NAA35: variants seen among roughly 807,000 people sequenced by gnomAD.
NAA35 encodes the protein MAK10 homolog, amino-acid N-acetyltransferase subunit.
Under a neutral mutation model 101.7 loss-of-function variants are expected in NAA35, and 18 were observed. The observed-to-expected ratio is 0.18, with a 90% CI of 0.12 to 0.26. The LOEUF (loss-of-function observed/expected upper bound fraction) is 0.26, where lower values mean the gene tolerates loss of function less well. Among genes scored for constraint, NAA35 ranks in the 10% least tolerant of loss-of-function variants. The probability of loss-of-function intolerance (pLI) is 1.00; values close to 1 mark genes in which losing one functional copy is unlikely to be tolerated. For synonymous variants in NAA35, 267 were observed against 273.1 expected (o/e 0.98, Z 0.22); for missense variants, 601 against 886.8 (o/e 0.68, Z 4.09).
chr9:85,999,107 T>C (rs923557760), intron 12 of NAA35, among the ~76,000 whole-genome samples: 1 of 152,220 alleles, frequency 6.6e-6, no homozygotes, highest in Non-Finnish European at 1.5e-5. Flanking sequence ...TTGCATTTGC[T>C]TTCTTATTAG....
chr9:85,952,233 C>CTT, intron 2 of NAA35, among the ~76,000 whole-genome samples: 1 of 122,034 alleles, frequency 8.2e-6, no homozygotes, highest in South Asian at 2.6e-4. Context: ...GATTGTTTTT[C>CTT]TTTTTTTTTT....
rs577848982 is a variant in NAA35 at position 86,012,770 on chromosome 9, G to A, written c.1291-276G>A. 4.6e-5 allele frequency among the ~76,000 whole-genome samples: 7 copies of A among 152,258 alleles called. No homozygotes were observed. The South Asian group carries it at 1.4e-3, about 32-fold the overall frequency. On this transcript the variant is annotated intron_variant, in intron 15 of 22. Coordinates refer to ENST00000361671, the MANE Select transcript of NAA35 (RefSeq NM_024635.4). Reference sequence around the variant, plus strand: ...CTCAAGCAGGAAAGAAATTGTCCTTGTGAAATTGCAAGAAGATATCTAAAG... The same window carrying A: ...CTCAAGCAGGAAAGAAATTGTCCTTATGAAATTGCAAGAAGATATCTAAAG...
chr9:86,019,235 G>T (rs1371456706), intron 21 of NAA35, among the ~76,000 whole-genome samples: 2 of 152,118 alleles, frequency 1.3e-5, no homozygotes, highest in African/African-American at 2.4e-5. Context: ...GAGGTGGGTG[G>T]ATCACCTTAG....
Position 85,996,312 on chromosome 9 carries a change from A to G in NAA35, c.878-87A>G, listed in dbSNP as rs139015946. On this transcript the variant is annotated intron_variant, in intron 11 of 22. Transcript: ENST00000361671. ...TAGAATTTGTTTGGAAAAGCTTTTT[A>G]AACTGGCATTTTTATATTTAATAAC... 1.6e-4 allele frequency: 146 copies of G among 885,920 alleles called. 2 individuals are homozygous for G. In the East Asian group the frequency reaches 3.6e-3, roughly 22 times the overall value. The allele number at this position is 885,920 out of a possible 1,614,324, so 54.9% of individuals were successfully genotyped here.
At chr9:85,950,578 A>C (rs190119643) in intron 2 of NAA35, among the ~76,000 whole-genome samples, 1 of 152,164 alleles carries the variant, frequency 6.6e-6, no homozygotes, top group African/African-American at 2.4e-5. Flanking sequence ...CGAGTCATCT[A>C]GTCTAACCTT....
At position 86,013,833 on chromosome 9, in the gene NAA35, C is replaced by A; in HGVS notation, c.1504C>A (p.Gln502Lys). 1.2e-6 allele frequency: 2 copies of A among 1,614,006 alleles called. No individual in the cohort carries two copies. Among genetic ancestry groups the A allele is most frequent in the Non-Finnish European group, 1.7e-6 (2 of 1,179,890 alleles). The part of the protein sequence containing the change: ...VLYHNLRIMI[Q>K]YLLSGFELEL... ...TTACCATAACCTTCGCATTATGATACAGTACCTTCTAAGTGGCTTTGAATT... is the reference window on the plus strand; with the variant it reads ...TTACCATAACCTTCGCATTATGATAAAGTACCTTCTAAGTGGCTTTGAATT... The change falls in exon 17 of 23, where the codon CAG becomes AAG. Residue 502 changes from glutamine to lysine, a missense_variant. By Grantham distance (53) the Gln-to-Lys change is moderately conservative (BLOSUM62 1). This residue lies in a region of NAA35 where 99 missense variants were observed against 206.7 expected (regional missense o/e 0.48). Coordinates refer to ENST00000361671, the MANE Select transcript of NAA35 (RefSeq NM_024635.4).
At position 85,967,144 on chromosome 9, in the gene NAA35, CAAT is replaced by C. The variant is rs374867820; in HGVS notation, c.516+4967_516+4969del. ...ACAGAGTGAGAGTCCATCTCAACAACAATAACAAAAAAGGAAGTAATTAGAAAT... is the reference window on the plus strand; with the variant it reads ...ACAGAGTGAGAGTCCATCTCAACAACAACAAAAAAGGAAGTAATTAGAAAT... On this transcript the variant is annotated intron_variant, in intron 6 of 22. Coordinates refer to ENST00000361671, the MANE Select transcript of NAA35 (RefSeq NM_024635.4). Among the ~76,000 whole-genome samples, 192 of 151,618 alleles carry C rather than the reference CAAT, an allele frequency of 1.3e-3. 4 individuals are homozygous for C. The South Asian group carries it at 0.034, about 27-fold the overall frequency.
At chr9:85,946,625 T>A (rs988592607) in intron 2 of NAA35, among the ~76,000 whole-genome samples, 3 of 152,184 alleles carry the variant, frequency 2.0e-5, no homozygotes, top group African/African-American at 7.2e-5. Context: ...TGGCTTTGAA[T>A]GTGGCCCAAC....
At chr9:86,000,213 T>C (rs185552746) in intron 12 of NAA35, among the ~76,000 whole-genome samples, 242 of 152,336 alleles carry the variant, frequency 1.6e-3, no homozygotes, top group Admixed American at 2.5e-3. Flanking sequence ...GATTTTTTTG[T>C]ATGTTGAAAC....
intron 11 of NAA35, among the ~76,000 whole-genome samples, chr9:85,989,169 C>A (rs1830785051): frequency 6.6e-6 from 1 of 152,096 alleles, no homozygotes; most frequent in Non-Finnish European, 1.5e-5. Flanking sequence ...TCTTCAAAGT[C>A]CTCAAGTAAA....
Position 86,020,993 on chromosome 9 carries a change from A to C in NAA35, c.2118+24A>C. The C allele has an allele frequency of 2.6e-6, 4 of 1,550,970 alleles. No individual in the cohort carries two copies. In the South Asian group the frequency reaches 4.6e-5, roughly 18 times the overall value. On this transcript the variant is annotated intron_variant, in intron 22 of 22. Coordinates refer to ENST00000361671, the MANE Select transcript of NAA35 (RefSeq NM_024635.4). ...AAGTGAGTACATTGTGGGAAAAATA[A>C]GTGGTCTTAGATTATTGTGAAGTTT...
At position 85,971,852 on chromosome 9, in the gene NAA35, T is replaced by TA. The variant is rs551229597; in HGVS notation, c.517-3113dup. ...TATATCCTGATTTTTTTTTTTTTTT[T>TA]AACCAACTTCTTACTCTCCCCACTG... On this transcript the variant is annotated intron_variant, in intron 6 of 22. Transcript: ENST00000361671. Among the ~76,000 whole-genome samples, 192 of 150,996 alleles carry TA rather than the reference T, an allele frequency of 1.3e-3. 4 individuals are homozygous for TA. In the South Asian group the frequency reaches 0.034, roughly 27 times the overall value.
In NAA35 at chr9:86,023,271, C is replaced by T. The variant is rs1459911792; in HGVS notation, c.*1311C>T. Among the ~76,000 whole-genome samples, 2 of 152,106 alleles carry T rather than the reference C, an allele frequency of 1.3e-5. No homozygotes were observed. The highest frequency in any genetic ancestry group is 4.2e-4 in the South Asian group (2 of 4,808). On this transcript the variant is annotated 3_prime_UTR_variant, in exon 23 of 23. Transcript: ENST00000361671. ...AAAATTATTTTTTAAGTAGCCTGTA[C>T]AATAGAAACTTCAATTATGGAGAGA... is the stretch of plus-strand genomic sequence containing the variant.
chr9:86,015,167 AT>A (rs1832146091), intron 17 of NAA35, among the ~76,000 whole-genome samples: 2 of 152,186 alleles, frequency 1.3e-5, no homozygotes, highest in African/African-American at 4.8e-5. Flanking sequence ...TATTATTTTT[AT>A]ATGCTTTTTT....
At chr9:85,990,844 T>A (rs189370196) in intron 11 of NAA35, among the ~76,000 whole-genome samples, 2 of 152,276 alleles carry the variant, frequency 1.3e-5, no homozygotes, top group East Asian at 3.9e-4. Flanking sequence ...TGTAGCAGGG[T>A]GAGGCCTAGC....
rs1281003018 is a variant in NAA35 at position 86,011,969 on chromosome 9, T to TATAATATATAATATATATTATATATA, written c.1291-1064_1291-1039dup. Among the ~76,000 whole-genome samples, 219 of 134,964 alleles carry TATAATATATAATATATATTATATATA rather than the reference T, an allele frequency of 1.6e-3. 1 individual carries two copies. Among genetic ancestry groups the TATAATATATAATATATATTATATATA allele is most frequent in the Non-Finnish European group, 2.9e-3 (179 of 62,188 alleles). 88.5% of individuals were successfully genotyped at this position (134,964 alleles called of 152,430 possible). On this transcript the variant is annotated intron_variant, in intron 15 of 22. Transcript: ENST00000361671. ...AATATAGTATATAATATATAATGTA[T>TATAATATATAATATATATTATATATA]ATAATATATAATATATATTATATAT...
At position 86,017,399 on chromosome 9, in the gene NAA35, C is replaced by CA. The variant is rs1055670090; in HGVS notation, c.1706-97dup. ...CACACTGAAGTTTTAATTTAGTATA[C>CA]AAGCTGAAAGATTTTTTAAAATTAG... On this transcript the variant is annotated intron_variant, in intron 18 of 22. Coordinates refer to ENST00000361671, the MANE Select transcript of NAA35 (RefSeq NM_024635.4). The CA allele has an allele frequency of 6.7e-6, 7 of 1,050,590 alleles. No homozygotes were observed. The African/African-American group carries it at 1.1e-4, about 17-fold the overall frequency. The allele number at this position is 1,050,590 out of a possible 1,614,324, so 65.1% of individuals were successfully genotyped here. A position where few individuals can be genotyped will look rare whatever the true frequency, so the allele number is the denominator to read the frequency against.
intron 11 of NAA35, among the ~76,000 whole-genome samples, chr9:85,991,308 G>T (rs2118206803): frequency 6.6e-6 from 1 of 152,202 alleles, no homozygotes; most frequent in South Asian, 2.1e-4. Context: ...ATTCATGGAG[G>T]TGGTTGTGTG....
At chr9:85,959,221 A>G (rs1829402964) in intron 4 of NAA35, among the ~76,000 whole-genome samples, 1 of 151,948 alleles carries the variant, frequency 6.6e-6, no homozygotes, top group African/African-American at 2.4e-5. Context: ...CTAAAAATAC[A>G]AAAAATTAGC....
Sources: allele counts gnomAD v4.1 joint callset (sites outside exome capture counted in the v4.1 genomes callset), GRCh38; gene constraint gnomAD v4.1.1; regional missense constraint gnomAD v4.1.1; transcripts MANE v1.5; gene names NCBI Gene and HGNC (gene_info 2026-07-23, HGNC 2026-07-21).